LDLRAD3: variants seen among roughly 807,000 people sequenced by gnomAD.
LDLRAD3 encodes the protein low-density lipoprotein receptor class A domain-containing protein 3.
Under a neutral mutation model 29.4 loss-of-function variants are expected in LDLRAD3, and 20 were observed. The ratio of observed to expected loss-of-function variants is 0.68; its 90% CI spans 0.48 to 0.99. The LOEUF (loss-of-function observed/expected upper bound fraction) is 0.99. LDLRAD3 is among the 50% of genes least tolerant of loss of function. LDLRAD3 has a pLI of 0.00. For synonymous variants in LDLRAD3, 157 were observed against 192.7 expected (o/e 0.81, Z 1.53); for missense variants, 420 against 454.3 (o/e 0.92, Z 0.69).
intron 4 of LDLRAD3, among the ~76,000 whole-genome samples, chr11:36,185,458 G>A (rs972517952): frequency 1.3e-5 from 2 of 152,172 alleles, no homozygotes; most frequent in Admixed American, 6.5e-5. Flanking sequence ...TCCCTGTCAC[G>A]ATCACCATGT....
Position 36,024,208 on chromosome 11 carries a change from A to G in LDLRAD3, c.47-11895A>G, listed in dbSNP as rs536799710. Among the ~76,000 whole-genome samples, 4 of 152,306 alleles carry G rather than the reference A, an allele frequency of 2.6e-5. No homozygotes were observed. The East Asian group carries it at 7.7e-4, about 29-fold the overall frequency. ...AATGTATGGAGGGAAGGAAGGAGTA[A>G]CATATACTAGTACCATTTATTAAAC... is the stretch of plus-strand genomic sequence containing the variant. On this transcript the variant is annotated intron_variant, in intron 1 of 5. Coordinates refer to ENST00000315571, the MANE Select transcript of LDLRAD3 (RefSeq NM_174902.4).
At chr11:35,988,086 C>A (rs908993155) in intron 1 of LDLRAD3, among the ~76,000 whole-genome samples, 1 of 152,202 alleles carries the variant, frequency 6.6e-6, no homozygotes, top group East Asian at 1.9e-4. Context: ...GAGACATGGT[C>A]TCACTCTGTC....
At chr11:36,028,745 A>G (rs888842041) in intron 1 of LDLRAD3, among the ~76,000 whole-genome samples, 1 of 152,192 alleles carries the variant, frequency 6.6e-6, no homozygotes, top group Non-Finnish European at 1.5e-5. Context: ...TTAATCAATA[A>G]AAAATTTGTA....
intron 1 of LDLRAD3, chr11:35,968,349 T>C (rs1384124926): frequency 5.5e-6 from 2 of 362,480 alleles, no homozygotes; most frequent in Non-Finnish European, 1.1e-5. Context: ...AGAAATAACG[T>C]CTGGCTCAGC....
intron 4 of LDLRAD3, among the ~76,000 whole-genome samples, chr11:36,103,382 C>T (rs1036724587): frequency 1.6e-4 from 24 of 152,036 alleles, no homozygotes; most frequent in African/African-American, 4.8e-4. Flanking sequence ...GGACTACAGG[C>T]GCCCACCACC....
At chr11:36,130,982 G>A (rs1459471492) in intron 4 of LDLRAD3, among the ~76,000 whole-genome samples, 2 of 152,158 alleles carry the variant, frequency 1.3e-5, no homozygotes, top group Non-Finnish European at 2.9e-5. Context: ...CCTGGTACCC[G>A]TCACAACCCA....
At chr11:35,951,302 G>C (rs952589072) in intron 1 of LDLRAD3, among the ~76,000 whole-genome samples, 6 of 152,108 alleles carry the variant, frequency 3.9e-5, no homozygotes, top group African/African-American at 1.4e-4. Context: ...CACACACACA[G>C]AGACATAATT....
intron 4 of LDLRAD3, among the ~76,000 whole-genome samples, chr11:36,187,961 A>G (rs72937419): frequency 5.3e-5 from 8 of 152,150 alleles, no homozygotes; most frequent in Admixed American, 3.9e-4. Flanking sequence ...TTTCACAGTC[A>G]TTATCCTGTT....
intron 1 of LDLRAD3, among the ~76,000 whole-genome samples, chr11:35,988,415 GT>G (rs1565145139): frequency 6.6e-6 from 1 of 152,058 alleles, no homozygotes; most frequent in Non-Finnish European, 1.5e-5. Flanking sequence ...TTTTAATGAG[GT>G]TATTTGATTT....
At chr11:36,198,534 A>C (rs929904582) in intron 4 of LDLRAD3, among the ~76,000 whole-genome samples, 3 of 152,230 alleles carry the variant, frequency 2.0e-5, no homozygotes, top group African/African-American at 7.2e-5. Flanking sequence ...GAGCCACTGC[A>C]GACCTTCCAG....
chr11:35,990,706 G>A (rs568294059), intron 1 of LDLRAD3, among the ~76,000 whole-genome samples: 8 of 151,758 alleles, frequency 5.3e-5, no homozygotes, highest in African/African-American at 9.7e-5. Context: ...GTAAGCCACC[G>A]TGCCTGGCCT....
At chr11:36,017,345 T>G (rs1336956546) in intron 1 of LDLRAD3, among the ~76,000 whole-genome samples, 1 of 152,148 alleles carries the variant, frequency 6.6e-6, no homozygotes, top group Non-Finnish European at 1.5e-5. Flanking sequence ...AAGCAGACAT[T>G]ATTGTTCTTT....
chr11:36,062,537 A>G (rs1484994916), intron 2 of LDLRAD3, among the ~76,000 whole-genome samples: 1 of 152,150 alleles, frequency 6.6e-6, no homozygotes, highest in Non-Finnish European at 1.5e-5. Context: ...CCTGACTGAC[A>G]TGGTTTGGCT....
At chr11:36,137,677 C>T (rs553591268) in intron 4 of LDLRAD3, among the ~76,000 whole-genome samples, 2 of 152,318 alleles carry the variant, frequency 1.3e-5, no homozygotes, top group South Asian at 4.1e-4. Flanking sequence ...ACAGTATATG[C>T]TCCAAATTCA....
intron 2 of LDLRAD3, among the ~76,000 whole-genome samples, chr11:36,063,455 G>A (rs1376748125): frequency 1.3e-5 from 2 of 152,122 alleles, no homozygotes; most frequent in East Asian, 3.9e-4. Flanking sequence ...TCCACTTTTT[G>A]TCTCTACAGA....
intron 2 of LDLRAD3, among the ~76,000 whole-genome samples, chr11:36,046,747 G>A (rs548779969): frequency 2.7e-4 from 41 of 152,134 alleles, no homozygotes; most frequent in Non-Finnish European, 4.7e-4. Context: ...TAGCTGCCTG[G>A]TGGTCCCCAA....
At chr11:36,184,429 T>C (rs887959431) in intron 4 of LDLRAD3, among the ~76,000 whole-genome samples, 1 of 152,264 alleles carries the variant, frequency 6.6e-6, no homozygotes, top group Non-Finnish European at 1.5e-5. Flanking sequence ...ATTTCTGATA[T>C]CTGCTGTTTT....
intron 4 of LDLRAD3, among the ~76,000 whole-genome samples, chr11:36,191,597 TATACACACACAC>T (rs1240151333): frequency 1.7e-4 from 17 of 101,338 alleles, no homozygotes; most frequent in African/African-American, 6.4e-4. Flanking sequence ...TATATATATA[TATACACACACAC>T]ACACACACAC....
intron 1 of LDLRAD3, among the ~76,000 whole-genome samples, chr11:36,024,560 C>G (rs908133880): frequency 2.0e-5 from 3 of 152,218 alleles, no homozygotes; most frequent in Non-Finnish European, 4.4e-5. Flanking sequence ...AGCTCATGCT[C>G]TTTTTAACAG....
Sources: gnomAD v4.1 joint callset for allele counts (sites outside exome capture counted in the v4.1 genomes callset) on GRCh38, gnomAD v4.1.1 for gene constraint, MANE v1.5 for transcripts, NCBI Gene and HGNC (gene_info 2026-07-23, HGNC 2026-07-21) for gene names.